GLI2: variants seen among roughly 807,000 people sequenced by gnomAD.
GLI2 encodes the protein transcription activator GLI2.
A neutral mutation model predicts 78.9 loss-of-function variants in GLI2; 22 were observed. The ratio of observed to expected loss-of-function variants is 0.28; its 90% CI spans 0.20 to 0.40. The LOEUF is 0.40. Among genes scored for constraint, GLI2 ranks in the 10% least tolerant of loss-of-function variants. The probability of loss-of-function intolerance (pLI) is 1.00; values close to 1 mark genes in which losing one functional copy is unlikely to be tolerated. For synonymous variants in GLI2, 974 were observed against 963.7 expected (o/e 1.01, Z -0.20); for missense variants, 2,097 against 2,213.2 (o/e 0.95, Z 1.05).
In GLI2 at chr2:120,794,209, G is replaced by A. The variant is rs188079388; in HGVS notation, c.-30-3082G>A. ...GGAAGTGGGGCTTCCTGGAGGAGGT[G>A]ACGTCTGAGTGGCATCTTGAGAGTA... is the stretch of plus-strand genomic sequence containing the variant. On this transcript the variant is annotated intron_variant, in intron 1 of 13. Transcript: ENST00000361492. Among the ~76,000 whole-genome samples, 6 of 152,298 alleles carry A rather than the reference G, an allele frequency of 3.9e-5. 1 individual carries two copies. The East Asian group carries it at 1.2e-3, about 29-fold the overall frequency.
chr2:120,920,507 C>T (rs1679317327), intron 2 of GLI2, among the ~76,000 whole-genome samples: 3 of 152,218 alleles, frequency 2.0e-5, no homozygotes, highest in Admixed American at 1.3e-4. Flanking sequence ...CCCTCACTGC[C>T]CTCCTCACTA....
chr2:120,936,050 G>T (rs541468747), intron 3 of GLI2, among the ~76,000 whole-genome samples: 2 of 152,202 alleles, frequency 1.3e-5, no homozygotes, highest in Admixed American at 6.5e-5. Flanking sequence ...TGAACTATTC[G>T]GTTCCTCTCC....
intron 2 of GLI2, among the ~76,000 whole-genome samples, chr2:120,816,544 T>C (rs1243587377): frequency 1.3e-5 from 2 of 152,100 alleles, no homozygotes; most frequent in Admixed American, 6.5e-5. Context: ...TTACCTTGTT[T>C]GAAACTTAAA....
At chr2:120,812,774 G>T (rs1222199004) in intron 2 of GLI2, among the ~76,000 whole-genome samples, 1 of 152,158 alleles carries the variant, frequency 6.6e-6, no homozygotes, top group African/African-American at 2.4e-5. Flanking sequence ...TTTTTCTCCT[G>T]GGCTGTGTTT....
intron 2 of GLI2, among the ~76,000 whole-genome samples, chr2:120,861,510 T>C (rs1179477594): frequency 6.6e-6 from 1 of 152,220 alleles, no homozygotes; most frequent in Non-Finnish European, 1.5e-5. Flanking sequence ...TCAAGATCTT[T>C]TGCTCACTCA....
chr2:120,988,180 C>T (rs758547342), intron 13 of GLI2, 28 bp from the exon 14 acceptor site: 4 of 1,571,566 alleles, frequency 2.5e-6, no homozygotes, highest in Non-Finnish European at 3.4e-6. Context: ...ACCCTTGTCC[C>T]GGTGCTGACC....
intron 2 of GLI2, among the ~76,000 whole-genome samples, chr2:120,813,454 A>G (rs1436818756): frequency 6.6e-6 from 1 of 152,156 alleles, no homozygotes; most frequent in Non-Finnish European, 1.5e-5. Context: ...GAACAGCCTG[A>G]TCCCCTCAGC....
intron 2 of GLI2, among the ~76,000 whole-genome samples, chr2:120,892,229 C>A (rs1452948455): frequency 6.6e-6 from 1 of 152,190 alleles, no homozygotes; most frequent in Non-Finnish European, 1.5e-5. Flanking sequence ...TTCTTCTGGG[C>A]CACAGGAGAA....
chr2:120,922,598 A>C (rs905617236), intron 2 of GLI2, among the ~76,000 whole-genome samples: 10 of 152,202 alleles, frequency 6.6e-5, no homozygotes, highest in African/African-American at 2.2e-4. Flanking sequence ...TTAATGGTAA[A>C]ACTAAAGGTG....
intron 4 of GLI2, among the ~76,000 whole-genome samples, chr2:120,953,259 A>G (rs1379318368): frequency 2.6e-5 from 4 of 152,196 alleles, no homozygotes; most frequent in African/African-American, 9.6e-5. Context: ...AGACACACAC[A>G]GAGTCACAGA....
intron 2 of GLI2, among the ~76,000 whole-genome samples, chr2:120,922,784 A>G (rs1679447001): frequency 6.6e-6 from 1 of 152,102 alleles, no homozygotes; most frequent in Non-Finnish European, 1.5e-5. Context: ...GGGGTGAGAG[A>G]GGAGTGCACG....
intron 2 of GLI2, among the ~76,000 whole-genome samples, chr2:120,837,815 GCT>G (rs1686688758): frequency 6.6e-6 from 1 of 152,078 alleles, no homozygotes; most frequent in Admixed American, 6.6e-5. Context: ...TGCATATGTA[GCT>G]CTGTTTCCGG....
chr2:120,927,722 C>T (rs761784607), intron 3 of GLI2, among the ~76,000 whole-genome samples: 1 of 152,230 alleles, frequency 6.6e-6, no homozygotes, highest in African/African-American at 2.4e-5. Context: ...CTTGGTGTAT[C>T]TATACATGGT....
At chr2:120,912,277 T>G (rs1286238843) in intron 2 of GLI2, among the ~76,000 whole-genome samples, 2 of 149,916 alleles carry the variant, frequency 1.3e-5, no homozygotes, top group Admixed American at 1.3e-4. Context: ...GCAAGAGGTT[T>G]TTTTTTTTTT....
intron 2 of GLI2, among the ~76,000 whole-genome samples, chr2:120,809,619 G>A (rs541921651): frequency 2.6e-5 from 4 of 152,254 alleles, no homozygotes; most frequent in Admixed American, 6.5e-5. Context: ...CGCCTGTGGC[G>A]GCATGGGGGC....
intron 5 of GLI2, among the ~76,000 whole-genome samples, chr2:120,959,941 C>T (rs898152706): frequency 6.6e-6 from 1 of 152,314 alleles, no homozygotes; most frequent in Admixed American, 6.5e-5. Context: ...ACCAGGAAGC[C>T]CCCATACACA....
intron 13 of GLI2, among the ~76,000 whole-genome samples, chr2:120,987,516 T>C (rs905460304): frequency 1.3e-4 from 19 of 151,860 alleles, no homozygotes; most frequent in Non-Finnish European, 2.6e-4. Flanking sequence ...CCATTGGGGG[T>C]CCTGGGCTCC....
chr2:120,811,596 C>T (rs1685243936), intron 2 of GLI2, among the ~76,000 whole-genome samples: 1 of 151,986 alleles, frequency 6.6e-6, no homozygotes, highest in Non-Finnish European at 1.5e-5. Context: ...GGAGAGGAGG[C>T]TTCATACTAG....
intron 3 of GLI2, among the ~76,000 whole-genome samples, chr2:120,937,976 C>T (rs887900675): frequency 1.3e-5 from 2 of 152,200 alleles, no homozygotes. Context: ...GGCCGCTCCC[C>T]ACAAACCCCA....
Sources: allele counts gnomAD v4.1 joint callset (sites outside exome capture counted in the v4.1 genomes callset), GRCh38; gene constraint gnomAD v4.1.1; transcripts MANE v1.5; gene names NCBI Gene and HGNC (gene_info 2026-07-23, HGNC 2026-07-21).